The following RASSF8 variants were observed in gnomAD, a reference collection of about 807,000 sequenced individuals.
RASSF8 encodes the protein Ras association domain family member 8.
RASSF8 carries 22 observed loss-of-function variants against 48.5 expected under a neutral mutation model. That is an observed-to-expected ratio of 0.45 (90% CI 0.32 to 0.65). The LOEUF (loss-of-function observed/expected upper bound fraction) is 0.65, where lower values mean the gene tolerates loss of function less well. RASSF8 is among the 30% of genes least tolerant of loss of function. The pLI is 0.03. For synonymous variants in RASSF8, 127 were observed against 171.5 expected, an observed-to-expected ratio of 0.74 and a Z score of 2.03; for missense variants, 418 against 489.2, an observed-to-expected ratio of 0.85 and a Z score of 1.37.
At chr12:26,020,811 C>T (rs1421283574) in intron 2 of RASSF8, among the ~76,000 whole-genome samples, 3 of 151,966 alleles carry the variant, frequency 2.0e-5, no homozygotes, top group Non-Finnish European at 4.4e-5. Context: ...TTGTTTAAAC[C>T]TTGCTTTTCC....
rs1944025574 is a variant in RASSF8, at chr12:26,072,756, C to T, written c.*3938C>T. ...GTAATATGTATTATATGTAATTATC[C>T]TTTTCTTTGACTTTCATTTTAAATG... is the stretch of plus-strand genomic sequence containing the variant. On this transcript the variant is annotated 3_prime_UTR_variant, in exon 6 of 6. Coordinates refer to ENST00000689635, the MANE Select transcript of RASSF8 (RefSeq NM_001394098.1). 2.1e-6 allele frequency: 2 copies of T among 944,742 alleles called. No homozygotes were observed. Among genetic ancestry groups the T allele is most frequent in the Non-Finnish European group, 1.3e-6 (1 of 793,130 alleles). 58.5% of individuals were successfully genotyped at this position (944,742 alleles called of 1,614,324 possible).
Position 25,974,245 on chromosome 12 carries a change from G to A in RASSF8, c.-203+15097G>A, listed in dbSNP as rs150225557. Among the ~76,000 whole-genome samples, 11 of 152,120 alleles carry A rather than the reference G, an allele frequency of 7.2e-5. No homozygotes were observed. In the East Asian group the frequency reaches 7.7e-4, roughly 11 times the overall value. On this transcript the variant is annotated intron_variant, in intron 1 of 5. Transcript: ENST00000689635. The stretch of plus-strand genomic sequence containing the variant: ...ACTGATTTTTCCTGATCATACAAGC[G>A]GAGGAGGTGAAAGAAAGAAGAGGGA...
At chr12:26,062,518 G>A (rs1943766583) in intron 3 of RASSF8, among the ~76,000 whole-genome samples, 1 of 152,158 alleles carries the variant, frequency 6.6e-6, no homozygotes, top group African/African-American at 2.4e-5. Flanking sequence ...TCCCACAGAT[G>A]AGGAGACTGA....
rs1005501378 is a variant in RASSF8 at position 26,069,011 on chromosome 12, C to T, written c.*193C>T. ...AGAACAAAGAAACTGTGTTTTCACACATCAACAGTGTTGATATTTTTGTCC... is the reference window on the plus strand; with the variant it reads ...AGAACAAAGAAACTGTGTTTTCACATATCAACAGTGTTGATATTTTTGTCC... On this transcript the variant is annotated 3_prime_UTR_variant, in exon 6 of 6. Coordinates refer to ENST00000689635, the MANE Select transcript of RASSF8 (RefSeq NM_001394098.1). 62 of 1,298,992 alleles carry T rather than the reference C, an allele frequency of 4.8e-5. No homozygotes were observed. The highest frequency in any genetic ancestry group is 5.6e-5 in the Non-Finnish European group (57 of 1,021,512). 80.5% of individuals were successfully genotyped at this position (1,298,992 alleles called of 1,614,324 possible).
Position 25,967,677 on chromosome 12 carries a change from C to A in RASSF8, c.-203+8529C>A, listed in dbSNP as rs141488081. Among the ~76,000 whole-genome samples, 420 of 152,228 alleles carry A rather than the reference C, an allele frequency of 2.8e-3. 1 individual carries two copies. Among genetic ancestry groups the A allele is most frequent in the African/African-American group, 9.7e-3 (403 of 41,524 alleles). ...AAATAAAGGAGATGTTTATGTATGT[C>A]CACATACAGAAACAAATGGATATGA... On this transcript the variant is annotated intron_variant, in intron 1 of 5. Coordinates refer to ENST00000689635, the MANE Select transcript of RASSF8 (RefSeq NM_001394098.1).
Position 26,064,608 on chromosome 12 carries a change from G to A in RASSF8, c.214G>A (p.Asp72Asn). Residue 72 changes from aspartate to asparagine, a missense_variant, in exon 4 of 6, where the codon GAT becomes AAT. By Grantham distance (23) the Asp-to-Asn change is conservative. Coordinates refer to ENST00000689635, the MANE Select transcript of RASSF8 (RefSeq NM_001394098.1). ...AAACAAATGGGGGCAGTATGCTAGTGATGTGCAGCTCATTCTACGACGAAC... is the reference window on the plus strand; with the variant it reads ...AAACAAATGGGGGCAGTATGCTAGTAATGTGCAGCTCATTCTACGACGAAC... ...SLNKWGQYAS[D>N]VQLILRRTGP... 6.2e-7 allele frequency: 1 copy of A among 1,614,190 alleles called. No individual in the cohort carries two copies. The highest frequency in any genetic ancestry group is 8.5e-7 in the Non-Finnish European group (1 of 1,180,030).
At chr12:26,010,526 G>A (rs369492053) in intron 2 of RASSF8, among the ~76,000 whole-genome samples, 51 of 152,292 alleles carry the variant, frequency 3.3e-4, no homozygotes, top group East Asian at 5.8e-4. Context: ...TGATTACCCC[G>A]GCCCTGGGGA....
intron 2 of RASSF8, among the ~76,000 whole-genome samples, chr12:26,035,604 TTATA>T (rs912610013): frequency 1.4e-5 from 2 of 141,330 alleles, no homozygotes; most frequent in Non-Finnish European, 3.1e-5. Context: ...GTATACATAA[TTATA>T]TATATAATTT....
chr12:25,980,738 G>A (rs1322753197), intron 1 of RASSF8, among the ~76,000 whole-genome samples: 1 of 152,134 alleles, frequency 6.6e-6, no homozygotes, highest in Non-Finnish European at 1.5e-5. Flanking sequence ...GTGGATATCA[G>A]AAAGGCTGTT....
chr12:26,021,884 G>C (rs1450365223), intron 2 of RASSF8, among the ~76,000 whole-genome samples: 2 of 152,176 alleles, frequency 1.3e-5, no homozygotes, highest in Admixed American at 1.3e-4. Flanking sequence ...GGAACTTCAA[G>C]CCTAAGGATG....
In RASSF8 at chr12:26,065,046, G is replaced by A. The variant is rs186709341; in HGVS notation, c.652G>A (p.Val218Ile). The part of the protein sequence containing the change: ...RLEQKIKRND[V>I]EIEEEEFWEN... Reference sequence around the variant, plus strand: ...AGAGCAAAAGATCAAAAGAAACGATGTAGAAATTGAGGAGGAAGAATTCTG... The same window carrying A: ...AGAGCAAAAGATCAAAAGAAACGATATAGAAATTGAGGAGGAAGAATTCTG... The change falls in exon 4 of 6, where the codon GTA (valine) becomes ATA (isoleucine). Residue 218 changes from valine to isoleucine, a missense_variant. Val to Ile is a conservative substitution (Grantham distance 29). Transcript: ENST00000689635. The A allele has an allele frequency of 3.1e-6, 5 of 1,613,640 alleles. No homozygotes were observed. Among genetic ancestry groups the A allele is most frequent in the African/African-American group, 2.7e-5 (2 of 74,994 alleles).
chr12:25,968,799 CTTTA>C (rs1292430923), intron 1 of RASSF8, among the ~76,000 whole-genome samples: 4 of 152,086 alleles, frequency 2.6e-5, no homozygotes, highest in African/African-American at 9.7e-5. Context: ...AATATTTTCA[CTTTA>C]TTTATTTGGT....
intron 5 of RASSF8, chr12:26,079,026 T>A: frequency 6.5e-7 from 1 of 1,541,282 alleles, no homozygotes; most frequent in South Asian, 1.2e-5. Flanking sequence ...TCTTCTGTTT[T>A]ATCTAGGGAT....
At chr12:26,076,055 C>G (rs1408399575), downstream of RASSF8, among the ~76,000 whole-genome samples, 1 of 152,112 alleles carries the variant, frequency 6.6e-6, no homozygotes, top group Non-Finnish European at 1.5e-5. Context: ...TTTCAACATT[C>G]TTTAAGGCCA....
chr12:26,006,093 C>G (rs543019399), intron 2 of RASSF8, among the ~76,000 whole-genome samples: 1 of 152,248 alleles, frequency 6.6e-6, no homozygotes, highest in African/African-American at 2.4e-5. Context: ...CTTAGTAGAC[C>G]TACCAAAGAC....
downstream of RASSF8, among the ~76,000 whole-genome samples, chr12:26,073,291 A>G (rs1047741719): frequency 6.6e-6 from 1 of 152,220 alleles, no homozygotes; most frequent in Non-Finnish European, 1.5e-5. Context: ...TAGATGTTTC[A>G]GACCTCAAGG....
At chr12:26,001,666 T>C (rs934097572) in intron 2 of RASSF8, among the ~76,000 whole-genome samples, 1 of 152,132 alleles carries the variant, frequency 6.6e-6, no homozygotes, top group Non-Finnish European at 1.5e-5. Context: ...CTCCACATCC[T>C]GTCGTACTGG....
intron 1 of RASSF8, among the ~76,000 whole-genome samples, chr12:25,978,757 A>G (rs992252093): frequency 3.3e-5 from 5 of 151,858 alleles, no homozygotes; most frequent in East Asian, 1.9e-4. Flanking sequence ...GGCATTATTT[A>G]TGAGGTGCCT....
intron 2 of RASSF8, among the ~76,000 whole-genome samples, chr12:26,011,119 C>G (rs1029484641): frequency 6.6e-6 from 1 of 152,192 alleles, no homozygotes; most frequent in African/African-American, 2.4e-5. Context: ...ACCACAGGAA[C>G]CCTTACAGGA....
Sources: gnomAD v4.1 joint callset for allele counts (sites outside exome capture counted in the v4.1 genomes callset) on GRCh38, gnomAD v4.1.1 for gene constraint, MANE v1.5 for transcripts, NCBI Gene and HGNC (gene_info 2026-07-23, HGNC 2026-07-21) for gene names.